TINAG: variants seen among roughly 807,000 people sequenced by gnomAD.
TINAG encodes the protein tubulointerstitial nephritis antigen.
In TINAG, 83 loss-of-function variants were observed where a neutral mutation model predicts 72.7. That is an observed-to-expected ratio of 1.14 (90% CI 0.96 to 1.37). TINAG has a LOEUF of 1.37. Among genes scored for constraint, TINAG ranks in the 40% most tolerant of loss-of-function variants. TINAG has a pLI of 0.00. For synonymous variants in TINAG, 234 were observed against 189.9 expected (o/e 1.23, Z -1.91); for missense variants, 685 against 576.6 (o/e 1.19, Z -1.93).
intron 1 of TINAG, 99 bp downstream of exon 1, chr6:54,309,004 A>G (rs952400345): frequency 1.7e-5 from 18 of 1,074,638 alleles, no homozygotes; most frequent in Middle Eastern, 2.1e-4. Flanking sequence ...CCTTCTTTCA[A>G]TGAAATGAAA....
At chr6:54,318,736 G>A (rs1241926143) in intron 1 of TINAG, among the ~76,000 whole-genome samples, 3 of 152,256 alleles carry the variant, frequency 2.0e-5, no homozygotes, top group East Asian at 1.9e-4. Context: ...TGGGAAATGA[G>A]GGATCCGTTG....
At chr6:54,312,494 T>G (rs999022427) in intron 1 of TINAG, among the ~76,000 whole-genome samples, 1 of 152,064 alleles carries the variant, frequency 6.6e-6, no homozygotes, top group African/African-American at 2.4e-5. Flanking sequence ...AATGGAGAAA[T>G]GTAGATAAGT....
chr6:54,371,489 AT>A (rs1466107448), intron 9 of TINAG, among the ~76,000 whole-genome samples: 2 of 151,778 alleles, frequency 1.3e-5, no homozygotes, highest in Admixed American at 1.3e-4. Flanking sequence ...AAAAAATAGA[AT>A]TTAGAATGAT....
intron 9 of TINAG, among the ~76,000 whole-genome samples, chr6:54,357,015 A>G (rs183508801): frequency 4.6e-5 from 7 of 151,912 alleles, no homozygotes; most frequent in Admixed American, 4.6e-4. Context: ...TTTGCCTGGA[A>G]TCACTTTCAG....
At position 54,347,404 on chromosome 6, in the gene TINAG, T is replaced by G. The variant is rs1582726735; in HGVS notation, c.786T>G (p.Gly262=). ...ACCGAATAGCAATTCAGTCTAAGGG[T>G]CGATACACGGCCAATCTATCCCCTC... The part of the protein sequence containing the change: ...AADRIAIQSK[G]RYTANLSPQN... Residue 262 remains glycine, a synonymous_variant, in exon 6 of 11, where the codon GGT becomes GGG. Transcript: ENST00000259782. The G allele has an allele frequency of 6.2e-7, 1 of 1,613,046 alleles. No individual in the cohort carries two copies. The highest frequency in any genetic ancestry group is 8.5e-7 in the Non-Finnish European group (1 of 1,179,478).
At chr6:54,357,978 C>G (rs1763109454) in intron 9 of TINAG, among the ~76,000 whole-genome samples, 1 of 151,854 alleles carries the variant, frequency 6.6e-6, no homozygotes, top group African/African-American at 2.4e-5. Context: ...CTCGCCGACT[C>G]CCACTCCCAT....
chr6:54,310,944 TC>T (rs1486447509), intron 1 of TINAG, among the ~76,000 whole-genome samples: 1 of 151,310 alleles, frequency 6.6e-6, no homozygotes, highest in Non-Finnish European at 1.5e-5. Flanking sequence ...TTTCTTTTTT[TC>T]TCTCTCTTTC....
At chr6:54,354,671 T>C (rs369731598) in intron 9 of TINAG, 35 bp downstream of exon 9, 1 of 1,594,368 alleles carries the variant, frequency 6.3e-7, no homozygotes, top group African/African-American at 1.4e-5. Context: ...TTAATTCTTT[T>C]GGAAAATGAA....
chr6:54,317,492 G>T (rs1031084970), intron 1 of TINAG, among the ~76,000 whole-genome samples: 2 of 152,012 alleles, frequency 1.3e-5, no homozygotes, highest in African/African-American at 4.8e-5. Flanking sequence ...GCTCTCTCTT[G>T]CCTGCCACCA....
At chr6:54,318,553 T>C (rs1446058408) in intron 1 of TINAG, among the ~76,000 whole-genome samples, 2 of 152,140 alleles carry the variant, frequency 1.3e-5, no homozygotes, top group African/African-American at 2.4e-5. Flanking sequence ...TCCACCCTAG[T>C]CAGCTCAACA....
chr6:54,320,546 G>T (rs760605389), intron 1 of TINAG, 33 bp from the exon 2 acceptor site: 11 of 1,547,306 alleles, frequency 7.1e-6, no homozygotes, highest in African/African-American at 2.7e-5. Flanking sequence ...ACTTAGTTTA[G>T]CATTTTCATT....
chr6:54,323,881 G>A (rs984222640), intron 3 of TINAG, among the ~76,000 whole-genome samples: 4 of 152,146 alleles, frequency 2.6e-5, no homozygotes, highest in Non-Finnish European at 5.9e-5. Flanking sequence ...TTGAACCCAG[G>A]AGGTGAAGGT....
At chr6:54,372,624 G>C (rs1763654533) in intron 9 of TINAG, among the ~76,000 whole-genome samples, 1 of 151,338 alleles carries the variant, frequency 6.6e-6, no homozygotes, top group African/African-American at 2.4e-5. Flanking sequence ...CACTTGCTGG[G>C]TTATTACTAT....
chr6:54,380,684 G>C, intron 10 of TINAG, 113 bp downstream of exon 10: 1 of 705,812 alleles, frequency 1.4e-6, no homozygotes, highest in Non-Finnish European at 2.3e-6. Context: ...GTGTAATATT[G>C]TTGATAACAT....
intron 4 of TINAG, among the ~76,000 whole-genome samples, chr6:54,327,610 T>G (rs1402574539): frequency 6.6e-6 from 1 of 152,012 alleles, no homozygotes; most frequent in African/African-American, 2.4e-5. Context: ...ACAGAACCAT[T>G]CACTTTCCTG....
At chr6:54,318,545 C>A (rs1182780332) in intron 1 of TINAG, among the ~76,000 whole-genome samples, 4 of 152,124 alleles carry the variant, frequency 2.6e-5, no homozygotes, top group African/African-American at 4.8e-5. Flanking sequence ...TGGGAACCTC[C>A]ACCCTAGTCA....
intron 4 of TINAG, among the ~76,000 whole-genome samples, chr6:54,337,478 T>C (rs1334756566): frequency 6.6e-6 from 1 of 152,100 alleles, no homozygotes; most frequent in Non-Finnish European, 1.5e-5. Flanking sequence ...GGTCTCGAAC[T>C]CCTGCCCTCA....
rs142867667 is a variant in TINAG, at chr6:54,377,702, A to G, written c.1251-2824A>G. ...TATCCTCAGAGACAGTCACTGACTT[A>G]TAAGAGAACATTTGTGAAAATATAT... On this transcript the variant is annotated intron_variant, in intron 9 of 10. Coordinates refer to ENST00000259782, the MANE Select transcript of TINAG (RefSeq NM_014464.4). Among the ~76,000 whole-genome samples, 289 of 152,260 alleles carry G rather than the reference A, an allele frequency of 1.9e-3. 1 individual carries two copies. Among genetic ancestry groups the G allele is most frequent in the African/African-American group, 6.7e-3 (279 of 41,570 alleles).
intron 9 of TINAG, among the ~76,000 whole-genome samples, chr6:54,358,872 A>G (rs141099727): frequency 2.6e-5 from 4 of 151,868 alleles, no homozygotes; most frequent in Non-Finnish European, 5.9e-5. Flanking sequence ...AGGGATTGAC[A>G]TCTGATCGCA....
Sources: allele counts gnomAD v4.1 joint callset (sites outside exome capture counted in the v4.1 genomes callset), GRCh38; gene constraint gnomAD v4.1.1; transcripts MANE v1.5; gene names NCBI Gene and HGNC (gene_info 2026-07-23, HGNC 2026-07-21).